HACE1: variants seen among roughly 807,000 people sequenced by gnomAD.
HACE1 encodes the protein E3 ubiquitin-protein ligase HACE1.
Under a neutral mutation model 118.4 loss-of-function variants are expected in HACE1, and 73 were observed. That is an observed-to-expected ratio of 0.62 (90% confidence interval 0.51 to 0.75). The LOEUF (loss-of-function observed/expected upper bound fraction) is 0.75, where lower values mean the gene tolerates loss of function less well. HACE1 is among the 30% of genes least tolerant of loss of function. The pLI is 0.00. For synonymous variants in HACE1, 368 were observed against 374.8 expected (o/e 0.98, Z 0.21); for missense variants, 749 against 1,102.2 (o/e 0.68, Z 4.54).
Position 104,785,132 on chromosome 6 carries a change from G to A in HACE1, c.1262C>T (p.Thr421Ile). 1 of 1,613,970 alleles carries A rather than the reference G, an allele frequency of 6.2e-7. No homozygotes were observed. The highest frequency in any genetic ancestry group is 8.5e-7 in the Non-Finnish European group (1 of 1,179,894). Residue 421 changes from threonine (T) to isoleucine (I), a missense_variant, in exon 12 of 24, where the codon ACT (threonine) becomes ATT (isoleucine). This residue lies in a region of HACE1 where 267 missense variants were observed against 312.2 expected (regional missense o/e 0.86). Coordinates refer to ENST00000262903, the MANE Select transcript of HACE1 (RefSeq NM_020771.4). ...ATCTGGTTTAGATTCCCTTGTGCCA[G>A]TGGACAGATTTTCATAGCTCCCAGG... ...PGPGSYENLS[T>I]GTRESKPDAL...
intron 11 of HACE1, chr6:104,786,604 C>CA (rs778056795): frequency 0.046 from 3,088 of 67,226 alleles, 98 homozygotes; most frequent in African/African-American, 0.11. Context: ...ATACTGTCTC[C>CA]AAAAAAAAAA....
intron 19 of HACE1, among the ~76,000 whole-genome samples, chr6:104,753,180 T>A (rs879022473): frequency 2.6e-5 from 4 of 152,138 alleles, no homozygotes; most frequent in Non-Finnish European, 5.9e-5. Flanking sequence ...ACATTTCAAG[T>A]GTTCATGTTG....
intron 1 of HACE1, among the ~76,000 whole-genome samples, chr6:104,853,302 T>C (rs772013547): frequency 7.2e-5 from 11 of 152,340 alleles, no homozygotes; most frequent in Admixed American, 4.6e-4. Context: ...TGTGGTATTG[T>C]TGTATCAGCA....
chr6:104,812,722 T>G (rs1771756817), intron 6 of HACE1, among the ~76,000 whole-genome samples: 1 of 152,074 alleles, frequency 6.6e-6, no homozygotes, highest in African/African-American at 2.4e-5. Flanking sequence ...AATAAGCAAC[T>G]CAATTCTTAC....
Position 104,750,379 on chromosome 6 carries a change from G to A in HACE1, c.2305C>T (p.Pro769Ser). The A allele has an allele frequency of 6.2e-7, 1 of 1,612,464 alleles. No homozygotes were observed. The highest frequency in any genetic ancestry group is 8.5e-7 in the Non-Finnish European group (1 of 1,178,714). Residue 769 changes from proline to serine, a missense_variant, in exon 20 of 24, where the codon CCA becomes TCA. Transcript: ENST00000262903. ...AFLQGFHMFI[P>S]PSLIQLFDEY... ...TCAAAAAGCTGTATGAGGGAGGGTG[G>A]AATGAACATATGAAAGCCCTGTAAA...
At chr6:104,854,315 G>A (rs1257342218) in intron 1 of HACE1, among the ~76,000 whole-genome samples, 26 of 152,278 alleles carry the variant, frequency 1.7e-4, no homozygotes, top group Non-Finnish European at 1.0e-4. Context: ...ACATTAGTGG[G>A]AAAGCTGGTG....
In HACE1 at chr6:104,828,296, G is replaced by A. The variant is rs531719635; in HGVS notation, c.534+4746C>T. ...AAATAAAGGGTCTAGACACTGATCT[G>A]TGTACTTTTACAGAATCACATCACA... On this transcript the variant is annotated intron_variant, in intron 6 of 23. Coordinates refer to ENST00000262903, the MANE Select transcript of HACE1 (RefSeq NM_020771.4). Among the ~76,000 whole-genome samples, 36 of 152,148 alleles carry A rather than the reference G, an allele frequency of 2.4e-4. No homozygotes were observed. The South Asian group carries it at 7.2e-3, about 31-fold the overall frequency.
Position 104,729,432 on chromosome 6 carries a change from A to C in HACE1, c.*230T>G, listed in dbSNP as rs1297831167. On this transcript the variant is annotated 3_prime_UTR_variant, in exon 24 of 24. Coordinates refer to ENST00000262903, the MANE Select transcript of HACE1 (RefSeq NM_020771.4). The stretch of plus-strand genomic sequence containing the variant: ...ACAGTCTCTATTACTTTCAGTTAGC[A>C]TTTTAAAAAATAAAATCTACTGTGA... 41 of 536,214 alleles carry C rather than the reference A, an allele frequency of 7.6e-5. No homozygotes were observed. The highest frequency in any genetic ancestry group is 1.3e-4 in the Non-Finnish European group (38 of 300,764). The allele number at this position is 536,214 out of a possible 1,614,324, so 33.2% of individuals were successfully genotyped here. A position where few individuals can be genotyped will look rare whatever the true frequency, so the allele number is the denominator to read the frequency against.
In HACE1 at chr6:104,784,254, T is replaced by C. The variant is rs531242826; in HGVS notation, c.1479-81A>G. 7.4e-5 allele frequency: 67 copies of C among 904,648 alleles called. 1 individual carries two copies. In the South Asian group the frequency reaches 8.6e-4, roughly 12 times the overall value. 56.0% of individuals were successfully genotyped at this position (904,648 alleles called of 1,614,324 possible). A position where few individuals can be genotyped will look rare whatever the true frequency, so the allele number is the denominator to read the frequency against. On this transcript the variant is annotated intron_variant, in intron 13 of 23. Transcript: ENST00000262903. ...AATGCAAATTCAGATACACTGACAC[T>C]GAAACAGAAGAAAAACACATAATAA...
chr6:104,743,559 T>C (rs1283504168), intron 22 of HACE1, among the ~76,000 whole-genome samples: 2 of 151,928 alleles, frequency 1.3e-5, no homozygotes, highest in Non-Finnish European at 2.9e-5. Context: ...TTATCCAAAA[T>C]GAAAATCAGA....
chr6:104,736,372 C>A (rs928897294), intron 22 of HACE1, among the ~76,000 whole-genome samples: 6 of 152,114 alleles, frequency 3.9e-5, no homozygotes, highest in African/African-American at 1.4e-4. Context: ...GCAATCTCCA[C>A]CTCCCAGGCT....
chr6:104,782,982 A>G (rs1434763125), intron 14 of HACE1, among the ~76,000 whole-genome samples: 2 of 152,190 alleles, frequency 1.3e-5, no homozygotes, highest in Non-Finnish European at 2.9e-5. Context: ...AGTGGCTCCT[A>G]ACAGCCTAGC....
At chr6:104,848,231 G>A (rs902327192) in intron 4 of HACE1, among the ~76,000 whole-genome samples, 4 of 151,010 alleles carry the variant, frequency 2.6e-5, no homozygotes, top group African/African-American at 7.3e-5. Context: ...CGAGGTGGGC[G>A]GATCACCTGA....
intron 6 of HACE1, among the ~76,000 whole-genome samples, chr6:104,830,738 G>A (rs1582682261): frequency 6.7e-6 from 1 of 148,748 alleles, no homozygotes; most frequent in African/African-American, 2.5e-5. Flanking sequence ...ATTATGGTCA[G>A]CAAGAAAATA....
At chr6:104,839,989 G>C (rs949967437) in intron 5 of HACE1, among the ~76,000 whole-genome samples, 2 of 152,174 alleles carry the variant, frequency 1.3e-5, no homozygotes, top group African/African-American at 4.8e-5. Flanking sequence ...CTGGGCAACA[G>C]AGCGAGACTC....
At chr6:104,785,891 C>A (rs1782337693) in intron 11 of HACE1, 1 of 152,338 alleles carries the variant, frequency 6.6e-6, no homozygotes, top group South Asian at 2.1e-4. Context: ...CCTTTCATTA[C>A]ATATAATTCC....
At chr6:104,744,406 C>T in intron 21 of HACE1, 106 bp downstream of exon 21, 3 of 829,212 alleles carry the variant, frequency 3.6e-6, no homozygotes, top group Non-Finnish European at 4.2e-6. Flanking sequence ...TTTGGGTAAA[C>T]ACTTTACTTT....
chr6:104,784,512 T>C (rs1782129205), intron 12 of HACE1, 27 bp from the exon 13 acceptor site: 5 of 1,519,230 alleles, frequency 3.3e-6, no homozygotes, highest in Non-Finnish European at 4.6e-6. Flanking sequence ...TCAATCAGAA[T>C]ACACAGGCAA....
chr6:104,811,519 G>A, intron 6 of HACE1, 126 bp from the exon 7 acceptor site: 1 of 603,696 alleles, frequency 1.7e-6, no homozygotes, highest in Non-Finnish European at 3.2e-6. Context: ...GAACTGAGTG[G>A]GCACGTGACA....
Sources: gnomAD v4.1 joint callset for allele counts (sites outside exome capture counted in the v4.1 genomes callset) on GRCh38, gnomAD v4.1.1 for gene constraint, gnomAD v4.1.1 regional missense constraint, MANE v1.5 for transcripts, NCBI Gene and HGNC (gene_info 2026-07-23, HGNC 2026-07-21) for gene names.